NCALD: variants seen among roughly 807,000 people sequenced by gnomAD.
NCALD encodes the protein neurocalcin-delta.
In NCALD, 10 loss-of-function variants were observed where a neutral mutation model predicts 18.6. That is an observed-to-expected ratio of 0.54 (90% CI 0.33 to 0.91). The LOEUF (loss-of-function observed/expected upper bound fraction) is 0.91, where lower values mean the gene tolerates loss of function less well. Ranked by LOEUF, NCALD falls within the 40% of genes least tolerant of loss-of-function variation. NCALD has a pLI of 0.03. For synonymous variants in NCALD, 88 were observed against 87.4 expected (o/e 1.01, Z -0.04); for missense variants, 184 against 247.6 (o/e 0.74, Z 1.72).
chr8:101,851,570 T>G (rs1031073430), intron 4 of NCALD, among the ~76,000 whole-genome samples: 1 of 152,302 alleles, frequency 6.6e-6, no homozygotes, highest in African/African-American at 2.4e-5. Context: ...GTTAAGGTTA[T>G]GAATAATCAA....
chr8:101,940,776 G>GAA (rs143591193), intron 2 of NCALD, among the ~76,000 whole-genome samples: 1 of 151,996 alleles, frequency 6.6e-6, no homozygotes, highest in Non-Finnish European at 1.5e-5. Flanking sequence ...GCCAATGAAT[G>GAA]AAAAAAACAG....
At chr8:101,787,760 C>T (rs916859308) in intron 1 of NCALD, among the ~76,000 whole-genome samples, 9 of 152,170 alleles carry the variant, frequency 5.9e-5, no homozygotes, top group Non-Finnish European at 1.0e-4. Context: ...CATGCCTCAT[C>T]CTAGAGACCT....
chr8:101,954,226 G>A (rs1819538639), intron 2 of NCALD, among the ~76,000 whole-genome samples: 1 of 152,190 alleles, frequency 6.6e-6, no homozygotes, highest in South Asian at 2.1e-4. Context: ...GGCAACTCAT[G>A]ATGGTGACTT....
At chr8:101,856,708 G>A (rs916950375) in intron 4 of NCALD, among the ~76,000 whole-genome samples, 1 of 152,064 alleles carries the variant, frequency 6.6e-6, no homozygotes, top group Admixed American at 6.5e-5. Flanking sequence ...GCAGCCCCTG[G>A]AAACCAGGCT....
At chr8:101,891,672 G>A (rs61823934) in intron 3 of NCALD, among the ~76,000 whole-genome samples, 64 of 152,350 alleles carry the variant, frequency 4.2e-4, no homozygotes, top group African/African-American at 1.3e-3. Context: ...AGTGCGAGCC[G>A]AAGCAGGGCG....
chr8:101,834,968 G>A (rs1273955205), intron 4 of NCALD, among the ~76,000 whole-genome samples: 1 of 152,180 alleles, frequency 6.6e-6, no homozygotes, highest in African/African-American at 2.4e-5. Flanking sequence ...CTATCTGTGT[G>A]GTCTTAGACA....
At chr8:101,794,456 G>T (rs953346797), upstream of NCALD, among the ~76,000 whole-genome samples, 5 of 149,624 alleles carry the variant, frequency 3.3e-5, no homozygotes, top group Non-Finnish European at 5.9e-5. Context: ...CAAAAATGTT[G>T]AGTTATCATA....
At chr8:101,802,899 CAAAAAA>C (rs34519871) in intron 4 of NCALD, among the ~76,000 whole-genome samples, 1 of 99,608 alleles carries the variant, frequency 1.0e-5, no homozygotes, top group African/African-American at 4.1e-5. Context: ...TGCTGCTGCT[CAAAAAA>C]AAAAAAAAAA....
intron 3 of NCALD, chr8:101,690,977 G>A (rs1392118691): frequency 7.1e-6 from 7 of 985,350 alleles, no homozygotes; most frequent in Non-Finnish European, 1.2e-6. Context: ...TTCAGAGTTG[G>A]CTCCTAGGAG....
Position 101,993,808 on chromosome 8 carries a change from A to C in NCALD, c.-157+26429T>G, listed in dbSNP as rs116204411. Among the ~76,000 whole-genome samples the C allele has an allele frequency of 9.9e-3, 1,513 of 152,330 alleles. 28 individuals carry two copies. Among genetic ancestry groups the C allele is most frequent in the African/African-American group, 0.031 (1,294 of 41,572 alleles). On this transcript the variant is annotated intron_variant, in intron 2 of 6. Transcript: ENST00000311028. Reference sequence around the variant, plus strand: ...CAAACCAGGTTGAAATCTTGACTTTACCACCTATCACTGTGCGACGTGCTA... The same window carrying C: ...CAAACCAGGTTGAAATCTTGACTTTCCCACCTATCACTGTGCGACGTGCTA...
At chr8:101,730,479 C>CAAAAAAAAAAAA (rs869241027) in intron 1 of NCALD, among the ~76,000 whole-genome samples, 2 of 43,668 alleles carry the variant, frequency 4.6e-5, no homozygotes, top group African/African-American at 8.4e-5. Flanking sequence ...GACTCCATCT[C>CAAAAAAAAAAAA]AAAAAAAAAA....
intron 2 of NCALD, among the ~76,000 whole-genome samples, chr8:102,011,221 C>T (rs1282198080): frequency 6.6e-6 from 1 of 152,178 alleles, no homozygotes; most frequent in Non-Finnish European, 1.5e-5. Context: ...AACACAGACA[C>T]AAATACACCT....
chr8:101,776,066 A>G lies in NCALD; in HGVS notation c.-20+14796T>C, dbSNP rs546166166. On this transcript the variant is annotated intron_variant, in intron 1 of 3. Transcript: ENST00000220931. ...CAAGTGAGGAGTGAGATCCTTGGGA[A>G]CAGCATGAACCCCAGACAATCCTGT... Among the ~76,000 whole-genome samples, 6 of 152,320 alleles carry G rather than the reference A, an allele frequency of 3.9e-5. No individual in the cohort carries two copies. The East Asian group carries it at 1.2e-3, about 29-fold the overall frequency.
chr8:102,030,681 G>A (rs1822635899), intron 1 of NCALD, among the ~76,000 whole-genome samples: 1 of 152,056 alleles, frequency 6.6e-6, no homozygotes, highest in Admixed American at 6.6e-5. Flanking sequence ...TTCAAGACAA[G>A]CCTGGCCAAC....
chr8:101,994,776 A>T (rs1821176382), intron 2 of NCALD, among the ~76,000 whole-genome samples: 1 of 152,236 alleles, frequency 6.6e-6, no homozygotes, highest in Non-Finnish European at 1.5e-5. Context: ...GCTACTTCAG[A>T]GGTCTACTTT....
Position 101,997,029 on chromosome 8 carries a change from G to A in NCALD, c.-157+23208C>T, listed in dbSNP as rs542703102. 2.6e-5 allele frequency among the ~76,000 whole-genome samples: 4 copies of A among 152,300 alleles called. No homozygotes were observed. The South Asian group carries it at 8.3e-4, about 32-fold the overall frequency. On this transcript the variant is annotated intron_variant, in intron 2 of 6. Transcript: ENST00000311028. ...GTATCTACTTAGAGTCAGTAACTAT[G>A]AGCAGCTTATGGATTCCAGCTACTC...
chr8:101,882,303 A>G (rs1816520147), intron 4 of NCALD, among the ~76,000 whole-genome samples: 2 of 152,060 alleles, frequency 1.3e-5, no homozygotes, highest in Admixed American at 1.3e-4. Flanking sequence ...AGGTGATTAT[A>G]TTAGGAGGTG....
intron 3 of NCALD, among the ~76,000 whole-genome samples, chr8:101,900,864 T>TG (rs1158998929): frequency 1.3e-5 from 2 of 152,052 alleles, no homozygotes; most frequent in Non-Finnish European, 2.9e-5. Flanking sequence ...GATAATGTTA[T>TG]GGTCTTCTCT....
rs112984302 is a variant in NCALD at position 101,778,892 on chromosome 8, A to T, written c.-20+11970T>A. Among the ~76,000 whole-genome samples the T allele has an allele frequency of 9.4e-3, 1,425 of 152,060 alleles. 27 individuals are homozygous for T. Among genetic ancestry groups the T allele is most frequent in the African/African-American group, 0.03 (1,244 of 41,358 alleles). ...AAAACCTGAAGAGGAATAATAATTT[A>T]AAAAATATCTGGACACTTCCTGGTA... On this transcript the variant is annotated intron_variant, in intron 1 of 3. Transcript: ENST00000220931.
Sources: gnomAD v4.1 joint callset for allele counts (sites outside exome capture counted in the v4.1 genomes callset) on GRCh38, gnomAD v4.1.1 for gene constraint, MANE v1.5 for transcripts, NCBI Gene and HGNC (gene_info 2026-07-23, HGNC 2026-07-21) for gene names.